Variants in CHLSN observed in about 807,000 individuals in gnomAD.
CHLSN encodes the protein protein cholesin.
the CHLSN span, among the ~76,000 whole-genome samples, chr7:1,035,957 G>A: frequency 1.3e-5 from 2 of 152,340 alleles, no homozygotes; most frequent in Admixed American, 1.3e-4. Flanking sequence ...CTGTCATGCC[G>A]TGAAAAGACG....
At chr7:1,055,825 T>C in the CHLSN span, among the ~76,000 whole-genome samples, 1 of 152,222 alleles carries the variant, frequency 6.6e-6, no homozygotes, top group South Asian at 2.1e-4. Flanking sequence ...CCGGGGGCCC[T>C]GGGCGCCCCG....
At chr7:1,080,553 G>A in the CHLSN span, among the ~76,000 whole-genome samples, 9 of 152,248 alleles carry the variant, frequency 5.9e-5, no homozygotes, top group African/African-American at 9.6e-5. Context: ...ACCCAGGGAC[G>A]GGCAGAGGAG....
the CHLSN span, among the ~76,000 whole-genome samples, chr7:1,134,445 G>A: frequency 2.6e-5 from 4 of 151,954 alleles, no homozygotes; most frequent in African/African-American, 9.7e-5. Flanking sequence ...GTGGTGGCGT[G>A]TGCCTGTAGT....
At chr7:1,086,771 G>A in the CHLSN span, 7 of 155,280 alleles carry the variant, frequency 4.5e-5, 1 homozygote, top group East Asian at 1.1e-3. Flanking sequence ...GGGAGCCCAC[G>A]CAGGTCTCTG....
chr7:1,017,157 C>T, the CHLSN span, among the ~76,000 whole-genome samples: 2 of 152,248 alleles, frequency 1.3e-5, no homozygotes, highest in African/African-American at 4.8e-5. Context: ...GGGCATTGGG[C>T]CTCTGCCTCT....
chr7:1,060,597 A>G, the CHLSN span, among the ~76,000 whole-genome samples: 36 of 152,258 alleles, frequency 2.4e-4, no homozygotes, highest in African/African-American at 8.7e-4. Flanking sequence ...ATTATTCATC[A>G]CGTGCTGCAA....
the CHLSN span, among the ~76,000 whole-genome samples, chr7:1,083,613 G>A: frequency 6.6e-6 from 1 of 150,934 alleles, no homozygotes; most frequent in Non-Finnish European, 1.5e-5. Flanking sequence ...GGGCGACAGA[G>A]CAAGACTCCA....
chr7:1,076,799 G>A, the CHLSN span, among the ~76,000 whole-genome samples: 1 of 152,266 alleles, frequency 6.6e-6, no homozygotes, highest in Non-Finnish European at 1.5e-5. Flanking sequence ...GAGAGCATGG[G>A]GACTTGCACG....
chr7:1,065,544 G>A, the CHLSN span, among the ~76,000 whole-genome samples: 3 of 152,192 alleles, frequency 2.0e-5, no homozygotes, highest in South Asian at 2.1e-4. Context: ...ATGCAGCTGC[G>A]GGGACACAGC....
chr7:985,624 C>T, the CHLSN span, among the ~76,000 whole-genome samples: 13 of 152,144 alleles, frequency 8.5e-5, no homozygotes, highest in African/African-American at 2.9e-4. Flanking sequence ...CCCAGAATTG[C>T]GGGGGGCTCC....
chr7:1,015,375 T>C, the CHLSN span, among the ~76,000 whole-genome samples: 3 of 152,180 alleles, frequency 2.0e-5, no homozygotes, highest in Non-Finnish European at 4.4e-5. Context: ...GGGAGGAATG[T>C]GCAAGTCCCT....
At chr7:1,040,765 T>C in the CHLSN span, among the ~76,000 whole-genome samples, 2 of 151,326 alleles carry the variant, frequency 1.3e-5, no homozygotes, top group Non-Finnish European at 2.9e-5. Flanking sequence ...AAAACCCTCA[T>C]TAAGAGGATG....
chr7:991,915 G>A, the CHLSN span, among the ~76,000 whole-genome samples: 4 of 152,190 alleles, frequency 2.6e-5, no homozygotes, highest in Admixed American at 2.6e-4. Flanking sequence ...GGGACCTCGA[G>A]TGAGTGGGGA....
At chr7:1,017,009 G>C in the CHLSN span, among the ~76,000 whole-genome samples, 41,364 of 133,236 alleles carry the variant, frequency 0.31, 7,785 homozygotes, top group African/African-American at 0.49. Context: ...GGAGCACACA[G>C]CAGCACACAG....
At chr7:1,011,738 A>T in the CHLSN span, among the ~76,000 whole-genome samples, 1 of 151,684 alleles carries the variant, frequency 6.6e-6, no homozygotes, top group Admixed American at 6.6e-5. Flanking sequence ...AGACACCCAC[A>T]AACACCATAC....
chr7:1,109,615 C>G, the CHLSN span, among the ~76,000 whole-genome samples: 3 of 152,160 alleles, frequency 2.0e-5, no homozygotes, highest in Non-Finnish European at 4.4e-5. Flanking sequence ...GTGGACATGC[C>G]CTCCCCACTC....
At chr7:1,105,824 T>C in the CHLSN span, among the ~76,000 whole-genome samples, 2 of 152,222 alleles carry the variant, frequency 1.3e-5, no homozygotes, top group Non-Finnish European at 2.9e-5. Context: ...TTTTTCATAA[T>C]GGGTGTGTTT....
the CHLSN span, among the ~76,000 whole-genome samples, chr7:1,126,743 G>A: frequency 3.9e-5 from 6 of 152,188 alleles, no homozygotes; most frequent in East Asian, 1.2e-3. Flanking sequence ...TCAAGTGAAT[G>A]GTGGTGGATA....
At chr7:1,085,730 G>A in the CHLSN span, among the ~76,000 whole-genome samples, 1 of 151,840 alleles carries the variant, frequency 6.6e-6, no homozygotes, top group Admixed American at 6.6e-5. Flanking sequence ...GCTACTCAGG[G>A]GCCGGGGTGG....
Sources: gnomAD v4.1 joint callset for allele counts (sites outside exome capture counted in the v4.1 genomes callset) on GRCh38, gnomAD v4.1.1 for gene constraint, MANE v1.5 for transcripts, NCBI Gene and HGNC (gene_info 2026-07-23, HGNC 2026-07-21) for gene names.